Variants in FBXL13 observed in about 807,000 individuals in gnomAD.
FBXL13 encodes F-box and leucine-rich repeat protein 13.
A neutral mutation model predicts 83.6 loss-of-function variants in FBXL13; 67 were observed. That is an observed-to-expected ratio of 0.80 (90% confidence interval 0.66 to 0.98). The LOEUF (loss-of-function observed/expected upper bound fraction) is 0.98, where lower values mean the gene tolerates loss of function less well. FBXL13 is among the 50% of genes least tolerant of loss of function. The pLI is 0.00. For missense variants in FBXL13, 822 were observed against 866.5 expected (o/e 0.95, Z 0.64); for synonymous variants, 272 against 299.5 (o/e 0.91, Z 0.95).
intron 2 of FBXL13, among the ~76,000 whole-genome samples, chr7:103,040,558 G>A (rs185680743): frequency 5.8e-4 from 89 of 152,214 alleles, no homozygotes; most frequent in Non-Finnish European, 2.4e-4. Flanking sequence ...TTCTAAAATT[G>A]ACCACATAAT....
chr7:103,022,487 A>G (rs996169045), intron 6 of FBXL13, among the ~76,000 whole-genome samples: 6 of 152,178 alleles, frequency 3.9e-5, no homozygotes, highest in Non-Finnish European at 8.8e-5. Context: ...AAAAAAAAAA[A>G]CCAGAAATAT....
chr7:103,027,292 G>A (rs1794036117), intron 5 of FBXL13, among the ~76,000 whole-genome samples, 157 bp downstream of exon 6: 1 of 151,862 alleles, frequency 6.6e-6, no homozygotes, highest in East Asian at 1.9e-4. Context: ...GCAAAACTCT[G>A]TCCCAAAAAA....
exon 4 of FBXL13, chr7:103,028,683 A>C: frequency 6.2e-7 from 1 of 1,603,272 alleles, no homozygotes; most frequent in Non-Finnish European, 8.5e-7. Flanking sequence ...GTAGCATGTC[A>C]CTGCTCTGTT....
intron 6 of FBXL13, among the ~76,000 whole-genome samples, chr7:102,981,740 T>C (rs1331339340): frequency 2.0e-5 from 3 of 152,194 alleles, no homozygotes; most frequent in African/African-American, 7.2e-5. Context: ...GGATCCCTTT[T>C]ATAAGGGCAC....
intron 16 of FBXL13, 112 bp downstream of exon 17, chr7:102,877,355 T>C: frequency 1.0e-6 from 1 of 972,522 alleles, no homozygotes; most frequent in South Asian, 3.0e-5. Flanking sequence ...TTAACTTTTA[T>C]AATAGAATAA....
intron 1 of FBXL13, among the ~76,000 whole-genome samples, chr7:103,060,921 G>A (rs1213786458): frequency 6.6e-6 from 1 of 152,178 alleles, no homozygotes; most frequent in Non-Finnish European, 1.5e-5. Flanking sequence ...TCCCCCTGTG[G>A]GACGGAGATG....
intron 2 of FBXL13, among the ~76,000 whole-genome samples, chr7:103,045,089 G>A (rs1796134743): frequency 1.3e-5 from 2 of 152,238 alleles, no homozygotes; most frequent in South Asian, 4.1e-4. Context: ...CAGCCACATG[G>A]TGGAAGAAGA....
intron 8 of FBXL13, among the ~76,000 whole-genome samples, chr7:102,954,720 A>G (rs1823976776): frequency 6.6e-6 from 1 of 152,136 alleles, no homozygotes; most frequent in Non-Finnish European, 1.5e-5. Flanking sequence ...AACGGAAAGC[A>G]AAAAAAGGAG....
At chr7:103,001,960 C>A (rs1420255598) in intron 6 of FBXL13, among the ~76,000 whole-genome samples, 1 of 152,102 alleles carries the variant, frequency 6.6e-6, no homozygotes, top group African/African-American at 2.4e-5. Flanking sequence ...TTTTATATAT[C>A]CATATATCCT....
rs144959959 is a variant in FBXL13, at chr7:102,968,231, GTAA to G, written c.496-117_496-115del. On this transcript the variant is annotated intron_variant, in intron 6 of 19. Transcript: ENST00000313221. ...TGTGCGTGCACACACACACGCATTAGTAATAATAAGGTAATCCATACTTTGCAA... is the reference window on the plus strand; with the variant it reads ...TGTGCGTGCACACACACACGCATTAGTAATAAGGTAATCCATACTTTGCAA... The G allele has an allele frequency of 4.9e-3, 3,103 of 630,070 alleles. 60 individuals carry two copies. Among genetic ancestry groups the G allele is most frequent in the African/African-American group, 0.048 (2,611 of 54,428 alleles). 39.0% of individuals were successfully genotyped at this position (630,070 alleles called of 1,614,324 possible). A position where few individuals can be genotyped will look rare whatever the true frequency, so the allele number is the denominator to read the frequency against.
At chr7:102,876,622 T>C (rs758776667) in intron 16 of FBXL13, among the ~76,000 whole-genome samples, 1 of 152,118 alleles carries the variant, frequency 6.6e-6, no homozygotes, top group Non-Finnish European at 1.5e-5. Flanking sequence ...TGTTAAAGGA[T>C]ACACTGGGGC....
chr7:103,033,089 TCA>T (rs552130143), intron 2 of FBXL13, among the ~76,000 whole-genome samples: 49 of 152,138 alleles, frequency 3.2e-4, no homozygotes, highest in Middle Eastern at 3.4e-3. Flanking sequence ...ACATACACAC[TCA>T]CACACACAGA....
chr7:102,933,753 A>G (rs535148774), intron 8 of FBXL13: 1 of 644,004 alleles, frequency 1.6e-6, no homozygotes, highest in African/African-American at 1.8e-5. Context: ...AATTTTTAAT[A>G]TATATTTTTT....
At chr7:103,013,654 T>C (rs955320185) in intron 6 of FBXL13, among the ~76,000 whole-genome samples, 2 of 152,126 alleles carry the variant, frequency 1.3e-5, no homozygotes, top group Non-Finnish European at 1.5e-5. Context: ...GGGAAGTTTA[T>C]AGCACTAAAC....
intron 10 of FBXL13, among the ~76,000 whole-genome samples, chr7:102,916,984 A>C (rs918083431): frequency 2.0e-5 from 3 of 152,068 alleles, no homozygotes; most frequent in Non-Finnish European, 4.4e-5. Flanking sequence ...TACTACTAAG[A>C]TGAATGGAAA....
intron 17 of FBXL13, among the ~76,000 whole-genome samples, chr7:102,850,074 C>T (rs1804936236): frequency 1.3e-5 from 2 of 151,784 alleles, no homozygotes; most frequent in Admixed American, 1.3e-4. Flanking sequence ...TTTTAGATTA[C>T]TGAAAATAAA....
At chr7:102,902,300 G>C (rs1455062645) in intron 11 of FBXL13, among the ~76,000 whole-genome samples, 1 of 152,084 alleles carries the variant, frequency 6.6e-6, no homozygotes, top group African/African-American at 2.4e-5. Flanking sequence ...TTCCTATAAA[G>C]TTGTTTGAGC....
chr7:103,011,401 G>A (rs931754884), intron 6 of FBXL13, among the ~76,000 whole-genome samples: 4 of 152,036 alleles, frequency 2.6e-5, no homozygotes, highest in Admixed American at 6.6e-5. Flanking sequence ...TTAGGAGGCC[G>A]AGGTGGGTGG....
chr7:102,860,921 T>G (rs1252799554), intron 16 of FBXL13, among the ~76,000 whole-genome samples: 1 of 151,984 alleles, frequency 6.6e-6, no homozygotes, highest in Non-Finnish European at 1.5e-5. Context: ...ACATACATAT[T>G]TTATTCATAT....
Sources: allele counts gnomAD v4.1 joint callset (sites outside exome capture counted in the v4.1 genomes callset), GRCh38; gene constraint gnomAD v4.1.1; transcripts MANE v1.5; gene names NCBI Gene and HGNC (gene_info 2026-07-23, HGNC 2026-07-21).